SCYL1: variants seen among roughly 807,000 people sequenced by gnomAD.
SCYL1 encodes N-terminal kinase-like protein.
A neutral mutation model predicts 94.8 loss-of-function variants in SCYL1; 85 were observed. The observed-to-expected ratio is 0.90, with a 90% CI of 0.75 to 1.07. The LOEUF (loss-of-function observed/expected upper bound fraction) is 1.07. Among genes scored for constraint, SCYL1 ranks in the 50% least tolerant of loss-of-function variants. SCYL1 has a pLI of 0.00. For synonymous variants in SCYL1, 459 were observed against 435.5 expected (o/e 1.05, Z -0.67); for missense variants, 968 against 1,083.3 (o/e 0.89, Z 1.49).
chr11:65,531,906 C>T (rs974490160), intron 8 of SCYL1, among the ~76,000 whole-genome samples: 3 of 152,214 alleles, frequency 2.0e-5, no homozygotes, highest in African/African-American at 7.2e-5. Flanking sequence ...CGCTCTAATG[C>T]CCCCTCCTCT....
intron 9 of SCYL1, 127 bp from the exon 10 acceptor site, chr11:65,535,100 C>T: frequency 8.2e-7 from 1 of 1,221,022 alleles, no homozygotes; most frequent in South Asian, 1.4e-5. Context: ...GGGCCAGGCC[C>T]AGGCTGGGAG....
In SCYL1 at chr11:65,532,685, G is replaced by C. The variant is rs1472461307; in HGVS notation, c.1117-7G>C. On this transcript the variant is annotated splice_region_variant and splice_polypyrimidine_tract_variant and intron_variant, in intron 8 of 17. Coordinates refer to ENST00000270176, the MANE Select transcript of SCYL1 (RefSeq NM_020680.4). ...ACCATGTTGACGCATCCCAACCTGG[G>C]CCACAGATGGAGCAGTTCATCCAGT... The C allele has an allele frequency of 6.2e-7, 1 of 1,611,134 alleles. No homozygotes were observed. The highest frequency in any genetic ancestry group is 1.3e-5 in the African/African-American group (1 of 74,880).
intron 9 of SCYL1, 23 bp downstream of exon 9, chr11:65,532,828 T>C (rs749837875): frequency 6.3e-7 from 1 of 1,579,892 alleles, no homozygotes; most frequent in African/African-American, 1.3e-5. Context: ...AGGCCCAGAG[T>C]GGCTACCCCT....
In SCYL1 at chr11:65,538,187, C is replaced by T. The variant is rs761811360; in HGVS notation, c.2247+5C>T. The T allele has an allele frequency of 2.0e-5, 32 of 1,577,844 alleles. No homozygotes were observed. Among genetic ancestry groups the T allele is most frequent in the Middle Eastern group, 1.7e-4 (1 of 6,004 alleles). On this transcript the variant is annotated splice_donor_5th_base_variant and intron_variant, in intron 16 of 17. Coordinates refer to ENST00000270176, the MANE Select transcript of SCYL1 (RefSeq NM_020680.4). ...TCTGCACGTCCCAGCACCCAGGTAC[C>T]CAGCACAGGTCTGGCGAGAGGGTAG...
In SCYL1 at chr11:65,536,123, G is replaced by T. The variant is rs745306335; in HGVS notation, c.1557G>T (p.Glu519Asp). 4 of 1,613,806 alleles carry T rather than the reference G, an allele frequency of 2.5e-6. No individual in the cohort carries two copies. The highest frequency in any genetic ancestry group is 3.4e-6 in the Non-Finnish European group (4 of 1,179,820). Reference protein sequence around the residue: ...PVLCGLTVDPEKSVRDQAFKA... With the variant: ...PVLCGLTVDPDKSVRDQAFKA... ...TCTGCGGTCTCACTGTAGATCCTGA[G>T]AAATCCGTGCGAGACCAGGTGAGGC... The change falls in exon 11 of 18, where the codon GAG becomes GAT. Residue 519 changes from glutamate (E) to aspartate (D), a missense_variant. Physicochemically the swap from Glu to Asp is conservative, Grantham distance 45 (BLOSUM62 2). This residue lies in a region of SCYL1 where 474 missense variants were observed against 463.6 expected (regional missense o/e 1.02). Coordinates refer to ENST00000270176, the MANE Select transcript of SCYL1 (RefSeq NM_020680.4).
At position 65,536,739 on chromosome 11, in the gene SCYL1, C is replaced by T; in HGVS notation, c.1805C>T (p.Pro602Leu). 2 of 1,603,184 alleles carry T rather than the reference C, an allele frequency of 1.2e-6. No individual in the cohort carries two copies. Among genetic ancestry groups the T allele is most frequent in the Non-Finnish European group, 1.7e-6 (2 of 1,171,748 alleles). ...APTETNIPQR[P>L]TPEGVPAPAP... ...ACAGAAACCAACATTCCCCAAAGAC[C>T]CACGCCTGAAGGTGAGTGTCCTGGC... Residue 602 changes from proline (P) to leucine (L), a missense_variant, in exon 13 of 18, where the codon CCC becomes CTC. Around this residue, in one of 2 missense-constraint regions of SCYL1, gnomAD observed 474 missense variants for 463.6 expected, o/e 1.02. Coordinates refer to ENST00000270176, the MANE Select transcript of SCYL1 (RefSeq NM_020680.4).
rs956379574 is a variant in SCYL1 at position 65,538,568 on chromosome 11, C to T, written c.*2C>T. The T allele has an allele frequency of 5.0e-6, 8 of 1,609,266 alleles. No individual in the cohort carries two copies. Among genetic ancestry groups the T allele is most frequent in the Non-Finnish European group, 6.8e-6 (8 of 1,178,182 alleles). On this transcript the variant is annotated 3_prime_UTR_variant, in exon 18 of 18. Transcript: ENST00000270176. ...CTGGGAGCCCGGAAGCTGGACTGAA[C>T]CGTGGCGGTGGCCCTTCCCGGCTGC...
chr11:65,525,752 G>C, intron 2 of SCYL1, 38 bp downstream of exon 2: 5 of 1,608,870 alleles, frequency 3.1e-6, no homozygotes, highest in Non-Finnish European at 4.2e-6. Context: ...TGCCCCTCAC[G>C]ATGTCCTGGT....
chr11:65,533,006 T>A, intron 9 of SCYL1: 1 of 564,054 alleles, frequency 1.8e-6, no homozygotes, highest in East Asian at 3.0e-5. Context: ...ATCTGCCTGT[T>A]CCTGGCCCAA....
In SCYL1 at chr11:65,526,022, C is replaced by G. The variant is rs1328675260; in HGVS notation, c.354C>G (p.Ser118=). Residue 118 remains serine (S), a synonymous_variant, in exon 3 of 18, where the codon TCC becomes TCG. Transcript: ENST00000270176. The surrounding 1 kb of genome is among the most constrained non-coding windows in gnomAD (Gnocchi z 4.1). The part of the protein sequence containing the change: ...EAGGLKELEI[S]WGLHQIVKAL... ...GTGGCCTGAAGGAGCTGGAGATCTC[C>G]TGGGGGCTACACCAGATCGTGGTGA... 14 of 1,612,968 alleles carry G rather than the reference C, an allele frequency of 8.7e-6. No individual in the cohort carries two copies. The highest frequency in any genetic ancestry group is 1.1e-5 in the Non-Finnish European group (13 of 1,179,906).
intron 7 of SCYL1, among the ~76,000 whole-genome samples, chr11:65,531,112 C>A (rs1322600678): frequency 6.6e-6 from 1 of 152,136 alleles, no homozygotes; most frequent in African/African-American, 2.4e-5. Flanking sequence ...CTCCTGACTG[C>A]TTAGCACTCA....
In SCYL1 at chr11:65,525,662, G is replaced by A. The variant is rs773092111; in HGVS notation, c.200G>A (p.Arg67His). 2.5e-6 allele frequency: 4 copies of A among 1,612,792 alleles called. No homozygotes were observed. Among genetic ancestry groups the A allele is most frequent in the African/African-American group, 1.3e-5 (1 of 74,998 alleles). The change falls in exon 2 of 18, where the codon CGC becomes CAC. Residue 67 changes from arginine (R) to histidine (H), a missense_variant. Physicochemically the swap from Arg to His is conservative, Grantham distance 29. Coordinates refer to ENST00000270176, the MANE Select transcript of SCYL1 (RefSeq NM_020680.4). ...CAGGTGGCCAAAGCTGCCTTCAAGCGCTTCAAAACTCTACGGCACCCCAAC... is the reference window on the plus strand; with the variant it reads ...CAGGTGGCCAAAGCTGCCTTCAAGCACTTCAAAACTCTACGGCACCCCAAC... The part of the protein sequence containing the change: ...QTQVAKAAFK[R>H]FKTLRHPNIL...
At chr11:65,534,641 A>G (rs1449117155) in intron 9 of SCYL1, among the ~76,000 whole-genome samples, 1 of 152,166 alleles carries the variant, frequency 6.6e-6, no homozygotes, top group Non-Finnish European at 1.5e-5. Context: ...AGCTCACAAG[A>G]TGGCATTGAA....
intron 13 of SCYL1, 54 bp from the exon 14 acceptor site, chr11:65,536,932 C>A: frequency 6.8e-7 from 1 of 1,464,326 alleles, no homozygotes; most frequent in Non-Finnish European, 9.5e-7. Context: ...CCCCTAGCAG[C>A]CTCTGCCCTG....
rs753876035 is a variant in SCYL1, at chr11:65,536,689, C to A, written c.1755C>A (p.Ile585=). The A allele has an allele frequency of 1.9e-6, 3 of 1,613,304 alleles. No individual in the cohort carries two copies. The East Asian group carries it at 6.7e-5, about 36-fold the overall frequency. The change falls in exon 13 of 18, where the codon ATC becomes ATA. Residue 585 remains isoleucine (I), a synonymous_variant. Coordinates refer to ENST00000270176, the MANE Select transcript of SCYL1 (RefSeq NM_020680.4). ...TCTCCTCACTCACCTCCAAGCTGAT[C>A]CGTTCGCACCCAACCACTGCCCCAA... ...TGVSSLTSKL[I]RSHPTTAPTE... is the part of the protein sequence containing the mutation.
chr11:65,526,685 C>A lies in SCYL1; in HGVS notation c.603-98C>A. ...TGATGGCTCAGCTGAGGGACATAGC[C>A]AGGCCCTGGCATGCAGTGGGTGCCT... On this transcript the variant is annotated intron_variant, in intron 4 of 17. Transcript: ENST00000270176. The surrounding 1 kb of genome is among the most constrained non-coding windows in gnomAD (Gnocchi z 4.1). 8.5e-7 allele frequency: 1 copy of A among 1,178,756 alleles called. No individual in the cohort carries two copies. Among genetic ancestry groups the A allele is most frequent in the Non-Finnish European group, 1.2e-6 (1 of 822,404 alleles). The allele number at this position is 1,178,756 out of a possible 1,614,324, so 73.0% of individuals were successfully genotyped here.
In SCYL1 at chr11:65,535,340, C is replaced by T. The variant is rs755365485; in HGVS notation, c.1344C>T (p.Thr448=). Residue 448 remains threonine, a synonymous_variant, in exon 10 of 18, where the codon ACC becomes ACT. Coordinates refer to ENST00000270176, the MANE Select transcript of SCYL1 (RefSeq NM_020680.4). ...AACAGGGCCCCATCCGCTGCAACACCACAGTCTGCCTGGGCAAAATCGGCT... is the reference window on the plus strand; with the variant it reads ...AACAGGGCCCCATCCGCTGCAACACTACAGTCTGCCTGGGCAAAATCGGCT... ...KDEQGPIRCN[T]TVCLGKIGSY... 1 of 1,614,268 alleles carries T rather than the reference C, an allele frequency of 6.2e-7. No homozygotes were observed. Among genetic ancestry groups the T allele is most frequent in the African/African-American group, 1.3e-5 (1 of 75,080 alleles).
chr11:65,526,690 C>A lies in SCYL1; in HGVS notation c.603-93C>A. The A allele has an allele frequency of 8.2e-7, 1 of 1,222,178 alleles. No homozygotes were observed. The highest frequency in any genetic ancestry group is 1.2e-6 in the Non-Finnish European group (1 of 858,450). The allele number at this position is 1,222,178 out of a possible 1,614,324, so 75.7% of individuals were successfully genotyped here. On this transcript the variant is annotated intron_variant, in intron 4 of 17. Transcript: ENST00000270176. The surrounding 1 kb of genome is among the most constrained non-coding windows in gnomAD (Gnocchi z 4.1). ...GCTCAGCTGAGGGACATAGCCAGGC[C>A]CTGGCATGCAGTGGGTGCCTGGTGC...
In SCYL1 at chr11:65,538,516, A is replaced by T. The variant is rs1194490296; in HGVS notation, c.2377A>T (p.Arg793Trp). 6.2e-6 allele frequency: 10 copies of T among 1,609,758 alleles called. No individual in the cohort carries two copies. The highest frequency in any genetic ancestry group is 8.5e-7 in the Non-Finnish European group (1 of 1,178,866). Residue 793 changes from arginine (R) to tryptophan (W), a missense_variant, in exon 18 of 18, where the codon AGG becomes TGG. Physicochemically the swap from Arg to Trp is moderately radical, Grantham distance 101 (BLOSUM62 -3). Around this residue, in one of 2 missense-constraint regions of SCYL1, gnomAD observed 474 missense variants for 463.6 expected, o/e 1.02. Transcript: ENST00000270176. Reference sequence around the variant, plus strand: ...GGAGATGGAGGCCAAACGCGCCGAGAGGAAGGTGGCCAAGGGCCCCATGAA... The same window carrying T: ...GGAGATGGAGGCCAAACGCGCCGAGTGGAAGGTGGCCAAGGGCCCCATGAA... ...RREMEAKRAE[R>W]KVAKGPMKLG...
Sources: allele counts gnomAD v4.1 joint callset (sites outside exome capture counted in the v4.1 genomes callset), GRCh38; gene constraint gnomAD v4.1.1; regional missense constraint gnomAD v4.1.1; non-coding constraint Gnocchi (gnomAD v3.1); transcripts MANE v1.5; gene names NCBI Gene and HGNC (gene_info 2026-07-23, HGNC 2026-07-21).